The following CACNB2 variants were observed in gnomAD, a reference collection of about 807,000 sequenced individuals.
The protein encoded by CACNB2 is calcium voltage-gated channel auxiliary subunit beta 2.
CACNB2 carries 42 observed loss-of-function variants against 73.3 expected under a neutral mutation model. The observed-to-expected ratio is 0.57, with a 90% CI of 0.45 to 0.74. The LOEUF (loss-of-function observed/expected upper bound fraction) is 0.74, where lower values mean the gene tolerates loss of function less well. CACNB2 is among the 30% of genes least tolerant of loss of function. The pLI, the probability that CACNB2 is intolerant of heterozygous loss-of-function variation, is 0.00. For missense variants in CACNB2, 940 were observed against 853.0 expected (o/e 1.10, Z -1.27); for synonymous variants, 348 against 310.3 (o/e 1.12, Z -1.28).
chr10:18,260,861 G>C, intron 2 of CACNB2: 4 of 1,083,820 alleles, frequency 3.7e-6, no homozygotes, highest in Non-Finnish European at 4.5e-6. Flanking sequence ...CGAAATGCAA[G>C]ACACTCAGAT....
intron 2 of CACNB2, among the ~76,000 whole-genome samples, chr10:18,225,248 G>T (rs188521242): frequency 6.6e-6 from 1 of 152,070 alleles, no homozygotes; most frequent in Non-Finnish European, 1.5e-5. Context: ...GAGGATGGGG[G>T]ATGGGGGAGG....
intron 2 of CACNB2, among the ~76,000 whole-genome samples, chr10:18,248,310 A>G (rs1177123108): frequency 1.3e-5 from 2 of 152,236 alleles, no homozygotes; most frequent in Non-Finnish European, 2.9e-5. Context: ...TCGTATTTCA[A>G]TTAATTTACC....
chr10:18,536,514 G>C (rs557792772), intron 12 of CACNB2, among the ~76,000 whole-genome samples: 10 of 151,466 alleles, frequency 6.6e-5, no homozygotes, highest in African/African-American at 2.4e-4. Context: ...CTCCTGCCTT[G>C]GTCTTCCAAA....
intron 2 of CACNB2, among the ~76,000 whole-genome samples, chr10:18,204,525 T>A (rs940928220): frequency 6.6e-6 from 1 of 152,210 alleles, no homozygotes; most frequent in South Asian, 2.1e-4. Flanking sequence ...TAGTTTTTCT[T>A]TTAAAATTTA....
intron 3 of CACNB2, among the ~76,000 whole-genome samples, chr10:18,413,208 G>T (rs1015193009): frequency 6.6e-6 from 1 of 152,182 alleles, no homozygotes; most frequent in African/African-American, 2.4e-5. Flanking sequence ...CTGACCTCAG[G>T]TGATCCACCC....
intron 3 of CACNB2, among the ~76,000 whole-genome samples, chr10:18,435,866 A>G (rs1255944758): frequency 1.3e-5 from 2 of 148,366 alleles, no homozygotes; most frequent in African/African-American, 4.9e-5. Context: ...GTGCACCTAT[A>G]TGTAAAATCA....
rs1231010472 is a variant in CACNB2 at position 18,540,876 on chromosome 10, C to T, written c.*1152C>T. 1 of 152,600 alleles carries T rather than the reference C, an allele frequency of 6.6e-6. No homozygotes were observed. Among genetic ancestry groups the T allele is most frequent in the Non-Finnish European group, 1.5e-5 (1 of 68,034 alleles). 9.5% of individuals were successfully genotyped at this position (152,600 alleles called of 1,614,324 possible). A position where few individuals can be genotyped will look rare whatever the true frequency, so the allele number is the denominator to read the frequency against. On this transcript the variant is annotated 3_prime_UTR_variant, in exon 14 of 14. Coordinates refer to ENST00000324631, the MANE Select transcript of CACNB2 (RefSeq NM_201596.3). Reference sequence around the variant, plus strand: ...ATTGTGCTATATGTTGCTTTAACAACCCATTGAGCAGTCAGGGAATGTGAG... The same window carrying T: ...ATTGTGCTATATGTTGCTTTAACAATCCATTGAGCAGTCAGGGAATGTGAG...
intron 2 of CACNB2, among the ~76,000 whole-genome samples, chr10:18,310,880 G>C (rs546677022): frequency 6.6e-6 from 1 of 151,954 alleles, no homozygotes; most frequent in East Asian, 2.0e-4. Context: ...ACTGTGCCCG[G>C]ACTGTTTTCT....
At chr10:18,229,205 A>T (rs916868469) in intron 2 of CACNB2, among the ~76,000 whole-genome samples, 7 of 152,352 alleles carry the variant, frequency 4.6e-5, no homozygotes, top group Non-Finnish European at 1.0e-4. Context: ...TAATATTAGA[A>T]TATTAATTAA....
intron 2 of CACNB2, 140 bp from the exon 3 acceptor site, chr10:18,401,784 T>C (rs2044010464): frequency 8.6e-6 from 7 of 813,080 alleles, no homozygotes; most frequent in South Asian, 4.4e-5. Context: ...TCTAGATAGG[T>C]TGCTGCAAAA....
intron 2 of CACNB2, among the ~76,000 whole-genome samples, chr10:18,387,417 C>G (rs575688893): frequency 4.3e-4 from 66 of 152,266 alleles, no homozygotes; most frequent in African/African-American, 1.6e-3. Context: ...ACTTCTTCTT[C>G]CCTCATGTCC....
intron 2 of CACNB2, among the ~76,000 whole-genome samples, chr10:18,337,094 C>T (rs2041036100): frequency 6.6e-6 from 1 of 151,814 alleles, no homozygotes; most frequent in African/African-American, 2.4e-5. Flanking sequence ...TTTTCTTTTG[C>T]TTTTTGCTTT....
intron 2 of CACNB2, among the ~76,000 whole-genome samples, chr10:18,173,486 G>A (rs1167899576): frequency 6.6e-6 from 1 of 152,196 alleles, no homozygotes; most frequent in African/African-American, 2.4e-5. Flanking sequence ...AACCACAGGT[G>A]AGAGATGTAT....
At chr10:18,141,002 G>T in intron 1 of CACNB2, 146 bp downstream of exon 1, 1 of 1,524,134 alleles carries the variant, frequency 6.6e-7, no homozygotes, top group Admixed American at 2.1e-5. Context: ...TCCTCTCCTG[G>T]CGCCGGGGAC....
intron 3 of CACNB2, among the ~76,000 whole-genome samples, chr10:18,419,836 G>T (rs2045221494): frequency 6.6e-6 from 1 of 152,200 alleles, no homozygotes; most frequent in Non-Finnish European, 1.5e-5. Flanking sequence ...CTTGTGATCA[G>T]CTGTGACAGG....
intron 12 of CACNB2, 46 bp downstream of exon 12, chr10:18,536,242 C>CTTTTTTTTTTTTTTTTTTTTTTTTTTTTT: frequency 3.6e-6 from 1 of 280,472 alleles, no homozygotes; most frequent in East Asian, 9.8e-5. Flanking sequence ...AGAGATCAGA[C>CTTTTTTTTTTTTTTTTTTTTTTTTTTTTT]CTTTTTTTTT....
At chr10:18,153,665 T>C (rs1359013373) in intron 2 of CACNB2, among the ~76,000 whole-genome samples, 2 of 150,762 alleles carry the variant, frequency 1.3e-5, no homozygotes, top group African/African-American at 2.4e-5. Flanking sequence ...CACTACAACC[T>C]CTGCCTCCTG....
chr10:18,260,371 G>T, intron 2 of CACNB2: 1 of 907,540 alleles, frequency 1.1e-6, no homozygotes, highest in South Asian at 5.1e-5. Context: ...AATTAATGAG[G>T]TCTGAGTCGG....
intron 2 of CACNB2, among the ~76,000 whole-genome samples, chr10:18,181,496 C>A (rs1361031909): frequency 6.6e-6 from 1 of 151,872 alleles, no homozygotes; most frequent in Non-Finnish European, 1.5e-5. Flanking sequence ...TACCTATTTG[C>A]AGTACTCTTT....
Sources: gnomAD v4.1 joint callset for allele counts (sites outside exome capture counted in the v4.1 genomes callset) on GRCh38, gnomAD v4.1.1 for gene constraint, MANE v1.5 for transcripts, NCBI Gene and HGNC (gene_info 2026-07-23, HGNC 2026-07-21) for gene names.